The following VEPH1 variants were observed in gnomAD, a reference collection of about 807,000 sequenced individuals.
VEPH1 encodes the protein ventricular zone-expressed PH domain-containing protein homolog 1.
VEPH1 carries 80 observed loss-of-function variants against 85.2 expected under a neutral mutation model. The observed-to-expected ratio is 0.94, with a 90% CI of 0.78 to 1.13. The LOEUF is 1.13. Ranked by LOEUF, VEPH1 falls within the 50% of genes most tolerant of loss-of-function variation. The pLI, the probability that VEPH1 is intolerant of heterozygous loss-of-function variation, is 0.00. For missense variants in VEPH1, 955 were observed against 980.5 expected (o/e 0.97, Z 0.35); for synonymous variants, 297 against 348.0 (o/e 0.85, Z 1.63).
At chr3:157,433,458 T>C (rs989659611) in intron 4 of VEPH1, among the ~76,000 whole-genome samples, 2 of 152,216 alleles carry the variant, frequency 1.3e-5, no homozygotes, top group African/African-American at 4.8e-5. Context: ...ATTCTTCTCA[T>C]CTATTGATAT....
At chr3:157,387,846 C>A (rs1729463770) in intron 6 of VEPH1, among the ~76,000 whole-genome samples, 1 of 151,982 alleles carries the variant, frequency 6.6e-6, no homozygotes, top group African/African-American at 2.4e-5. Context: ...ATTTTTAAAC[C>A]CCTTGGATGA....
intron 6 of VEPH1, among the ~76,000 whole-genome samples, chr3:157,398,538 G>A (rs1238252213): frequency 1.3e-5 from 2 of 152,024 alleles, no homozygotes; most frequent in African/African-American, 4.8e-5. Flanking sequence ...GGGGGCTGAG[G>A]CAGAAGAATT....
intron 5 of VEPH1, among the ~76,000 whole-genome samples, chr3:157,416,973 C>A (rs77707591): frequency 1.2e-3 from 176 of 152,012 alleles, no homozygotes; most frequent in African/African-American, 3.8e-3. Flanking sequence ...AATACATACA[C>A]CTGGGCATAG....
At chr3:157,391,974 G>C (rs370409640) in intron 6 of VEPH1, among the ~76,000 whole-genome samples, 1 of 152,022 alleles carries the variant, frequency 6.6e-6, no homozygotes, top group Non-Finnish European at 1.5e-5. Flanking sequence ...TTCATACCCC[G>C]CCATACTAAA....
chr3:157,354,495 C>T (rs965591595), intron 9 of VEPH1, among the ~76,000 whole-genome samples: 3 of 152,134 alleles, frequency 2.0e-5, no homozygotes, highest in African/African-American at 7.2e-5. Flanking sequence ...AAGTGTCCTT[C>T]TGCCTCATGG....
chr3:157,376,081 T>A (rs951631306), intron 7 of VEPH1, among the ~76,000 whole-genome samples: 1 of 152,180 alleles, frequency 6.6e-6, no homozygotes, highest in Non-Finnish European at 1.5e-5. Flanking sequence ...TCTCCTTTTT[T>A]CCTTGGGTCT....
intron 6 of VEPH1, 84 bp downstream of exon 6, chr3:157,413,797 C>T (rs781629943): frequency 7.6e-5 from 112 of 1,471,334 alleles, no homozygotes; most frequent in Non-Finnish European, 8.8e-5. Context: ...CAAATTTGCA[C>T]GTCATAATAA....
intron 4 of VEPH1, among the ~76,000 whole-genome samples, chr3:157,453,860 C>A (rs772790887): frequency 2.2e-4 from 33 of 152,112 alleles, no homozygotes; most frequent in Non-Finnish European, 4.7e-4. Flanking sequence ...TAGCCCCAAC[C>A]TTTTACAGGT....
chr3:157,339,064 C>G (rs544412333), intron 9 of VEPH1, among the ~76,000 whole-genome samples: 15 of 152,324 alleles, frequency 9.8e-5, no homozygotes, highest in African/African-American at 3.6e-4. Flanking sequence ...CACTCTAGTT[C>G]TGGCCCTGGG....
chr3:157,414,658 T>C (rs918634976), intron 5 of VEPH1, among the ~76,000 whole-genome samples: 3 of 152,158 alleles, frequency 2.0e-5, no homozygotes, highest in Admixed American at 2.0e-4. Flanking sequence ...ATCTTAATAT[T>C]TTTTCTTGAT....
At chr3:157,424,360 T>C (rs1225440854) in intron 5 of VEPH1, among the ~76,000 whole-genome samples, 6 of 152,146 alleles carry the variant, frequency 3.9e-5, no homozygotes, top group Non-Finnish European at 8.8e-5. Flanking sequence ...AGCATGAAAA[T>C]GGACTAATAC....
intron 2 of VEPH1, among the ~76,000 whole-genome samples, chr3:157,483,584 A>G (rs923877411): frequency 5.3e-5 from 8 of 152,182 alleles, no homozygotes; most frequent in African/African-American, 1.7e-4. Flanking sequence ...TGTTTTTAAA[A>G]AAGAAATCTC....
intron 2 of VEPH1, among the ~76,000 whole-genome samples, chr3:157,488,507 C>CTTT (rs1197141390): frequency 0.028 from 3,690 of 131,736 alleles, 204 homozygotes; most frequent in African/African-American, 0.1. Flanking sequence ...TTCTTTCTTT[C>CTTT]TTTTTTTTTT....
At chr3:157,371,954 A>G (rs905681763) in intron 7 of VEPH1, among the ~76,000 whole-genome samples, 4 of 152,220 alleles carry the variant, frequency 2.6e-5, no homozygotes, top group Non-Finnish European at 4.4e-5. Context: ...CCACCCAGAT[A>G]TAACACAAGT....
intron 11 of VEPH1, among the ~76,000 whole-genome samples, chr3:157,304,045 A>ACACACT (rs1719197313): frequency 7.0e-6 from 1 of 143,606 alleles, no homozygotes; most frequent in Non-Finnish European, 1.5e-5. Context: ...ATATACACAC[A>ACACACT]TACTGTTACA....
At chr3:157,385,611 AT>A (rs964309604) in intron 6 of VEPH1, among the ~76,000 whole-genome samples, 2 of 152,216 alleles carry the variant, frequency 1.3e-5, no homozygotes, top group Non-Finnish European at 2.9e-5. Context: ...TAACTTGTTA[AT>A]AGATGACATC....
intron 7 of VEPH1, among the ~76,000 whole-genome samples, chr3:157,366,477 G>A (rs984731808): frequency 7.9e-5 from 12 of 152,146 alleles, no homozygotes; most frequent in African/African-American, 2.9e-4. Context: ...GCTTATGCTT[G>A]TAATCCCAAC....
intron 6 of VEPH1, among the ~76,000 whole-genome samples, chr3:157,408,046 T>A (rs376429438): frequency 6.6e-6 from 1 of 152,150 alleles, no homozygotes; most frequent in East Asian, 1.9e-4. Context: ...AATCCATTCA[T>A]GTAATGGATT....
At chr3:157,317,394 T>G (rs1053509968) in intron 9 of VEPH1, among the ~76,000 whole-genome samples, 193 bp from the exon 10 acceptor site, 2 of 152,172 alleles carry the variant, frequency 1.3e-5, no homozygotes, top group South Asian at 4.1e-4. Flanking sequence ...GATTTTAAAT[T>G]ATTATTATTA....
Sources: gnomAD v4.1 joint callset for allele counts (sites outside exome capture counted in the v4.1 genomes callset) on GRCh38, gnomAD v4.1.1 for gene constraint, MANE v1.5 for transcripts, NCBI Gene and HGNC (gene_info 2026-07-23, HGNC 2026-07-21) for gene names.